ZNF106: variants seen among roughly 807,000 people sequenced by gnomAD.
The protein encoded by ZNF106 is SH3-domain binding protein 3.
In ZNF106, 67 loss-of-function variants were observed where a neutral mutation model predicts 195.1. The observed-to-expected ratio is 0.34, with a 90% CI of 0.28 to 0.42. ZNF106 has a LOEUF of 0.42. ZNF106 is among the 10% of genes least tolerant of loss of function. The pLI is 1.00. For missense variants in ZNF106, 2,118 were observed against 2,304.5 expected (o/e 0.92, Z 1.66); for synonymous variants, 784 against 818.6 (o/e 0.96, Z 0.72).
At chr15:42,439,940 A>C in intron 10 of ZNF106, 127 bp from the exon 11 acceptor site, 14 of 985,814 alleles carry the variant, frequency 1.4e-5, no homozygotes, top group Non-Finnish European at 2.0e-5. Flanking sequence ...CTGGTATCTC[A>C]CCCCTCAGTT....
intron 1 of ZNF106, among the ~76,000 whole-genome samples, chr15:42,474,857 C>A (rs2056752740): frequency 6.6e-6 from 1 of 152,134 alleles, no homozygotes; most frequent in African/African-American, 2.4e-5. Flanking sequence ...CAAGTCCCTG[C>A]TAGAGATGCT....
rs188061418 is a variant in ZNF106 at position 42,458,185 on chromosome 15, C to G, written c.117-1027G>C. ...TTAGACTAGTTATATTTTTGCACTT[C>G]CTATGCCAATCTATTAAAAAAAAAA... On this transcript the variant is annotated intron_variant, in intron 3 of 21. Coordinates refer to ENST00000564754, the MANE Select transcript of ZNF106 (RefSeq NM_001366845.3). 7.2e-5 allele frequency among the ~76,000 whole-genome samples: 11 copies of G among 152,048 alleles called. No individual in the cohort carries two copies. The East Asian group carries it at 2.1e-3, about 29-fold the overall frequency.
chr15:42,455,854 A>C (rs2141374414), intron 4 of ZNF106, among the ~76,000 whole-genome samples: 1 of 152,274 alleles, frequency 6.6e-6, no homozygotes, highest in South Asian at 2.1e-4. Flanking sequence ...AAATTATCCC[A>C]CCTCATAAGT....
intron 4 of ZNF106, among the ~76,000 whole-genome samples, chr15:42,454,735 A>AT (rs1409124153): frequency 6.8e-6 from 1 of 148,052 alleles, no homozygotes; most frequent in African/African-American, 2.5e-5. Context: ...AATAAAAATA[A>AT]AAAAAAAAAA....
chr15:42,467,419 C>T (rs1270226626), intron 2 of ZNF106, among the ~76,000 whole-genome samples: 2 of 152,174 alleles, frequency 1.3e-5, no homozygotes, highest in African/African-American at 4.8e-5. Context: ...GAGAAGTTAC[C>T]TCATTCATTC....
chr15:42,459,874 A>C (rs2141386473), intron 3 of ZNF106, among the ~76,000 whole-genome samples: 1 of 151,740 alleles, frequency 6.6e-6, no homozygotes, highest in Non-Finnish European at 1.5e-5. Flanking sequence ...CCCCATCTCT[A>C]CTAAAAAAAA....
In ZNF106 at chr15:42,438,790, T is replaced by G. The variant is rs910502940; in HGVS notation, c.4545-123A>C. On this transcript the variant is annotated intron_variant, in intron 11 of 21. Coordinates refer to ENST00000564754, the MANE Select transcript of ZNF106 (RefSeq NM_001366845.3). ...GCAAAGTAGCAATGATATAAGAGAT[T>G]AGATTTTCCATCTGAAATTTCTTAA... The G allele has an allele frequency of 1.3e-5, 12 of 944,108 alleles. No individual in the cohort carries two copies. In the African/African-American group the frequency reaches 1.8e-4, roughly 15 times the overall value. The allele number at this position is 944,108 out of a possible 1,614,324, so 58.5% of individuals were successfully genotyped here. A position where few individuals can be genotyped will look rare whatever the true frequency, so the allele number is the denominator to read the frequency against.
In ZNF106 at chr15:42,413,472, A is replaced by T. The variant is rs2054338723; in HGVS notation, c.*3832T>A. 1 of 152,646 alleles carries T rather than the reference A, an allele frequency of 6.6e-6. No individual in the cohort carries two copies. Among genetic ancestry groups the T allele is most frequent in the Non-Finnish European group, 1.5e-5 (1 of 68,040 alleles). The allele number at this position is 152,646 out of a possible 1,614,324, so 9.5% of individuals were successfully genotyped here. A position where few individuals can be genotyped will look rare whatever the true frequency, so the allele number is the denominator to read the frequency against. ...AAGCATAAACTGCAGTTATTTGAGC[A>T]AACCAGAGCATATGTGCTGTTCAAA... On this transcript the variant is annotated 3_prime_UTR_variant, in exon 22 of 22. Coordinates refer to ENST00000564754, the MANE Select transcript of ZNF106 (RefSeq NM_001366845.3).
rs149535165 is a variant in ZNF106 at position 42,436,784 on chromosome 15, C to A, written c.4746+448G>T. On this transcript the variant is annotated intron_variant, in intron 13 of 21. Transcript: ENST00000564754. ...CTCCTCCAGTACTTCCCCATATTCACTTCATCCCTCCTCTATTATGTAGCT... is the reference window on the plus strand; with the variant it reads ...CTCCTCCAGTACTTCCCCATATTCAATTCATCCCTCCTCTATTATGTAGCT... 1.2e-4 allele frequency among the ~76,000 whole-genome samples: 19 copies of A among 152,342 alleles called. No homozygotes were observed. The East Asian group carries it at 3.7e-3, about 29-fold the overall frequency.
At chr15:42,477,310 A>C (rs1369560597) in intron 1 of ZNF106, among the ~76,000 whole-genome samples, 1 of 152,194 alleles carries the variant, frequency 6.6e-6, no homozygotes, top group African/African-American at 2.4e-5. Flanking sequence ...TAAACCCATA[A>C]ACTTCTCTGT....
intron 1 of ZNF106, among the ~76,000 whole-genome samples, chr15:42,483,534 A>G (rs1022505169): frequency 2.6e-5 from 4 of 152,124 alleles, no homozygotes; most frequent in Non-Finnish European, 5.9e-5. Context: ...ATACACATAC[A>G]TGGTTTGCTC....
intron 14 of ZNF106, among the ~76,000 whole-genome samples, chr15:42,432,398 A>G (rs2055082462): frequency 6.6e-6 from 1 of 152,024 alleles, no homozygotes. Context: ...GTCTCAAGTG[A>G]TCCTCCCACC....
rs746861547 is a variant in ZNF106 at position 42,438,641 on chromosome 15, G to A, written c.4571C>T (p.Ser1524Phe). The change falls in exon 12 of 22, where the codon TCC becomes TTC. Residue 1524 changes from serine to phenylalanine, a missense_variant. Transcript: ENST00000564754. ...AGAATTCTTTGATCCTTTTATGGAGGAGATCACAGTCTGAGTTTCTGCCAC... is the reference window on the plus strand; with the variant it reads ...AGAATTCTTTGATCCTTTTATGGAGAAGATCACAGTCTGAGTTTCTGCCAC... The part of the protein sequence containing the change: ...VSVAETQTVI[S>F]SIKGSKNSSE... 1.2e-5 allele frequency: 19 copies of A among 1,613,808 alleles called. 1 individual carries two copies. In the South Asian group the frequency reaches 2.1e-4, roughly 18 times the overall value.
At chr15:42,449,566 T>C (rs2055904756) in intron 5 of ZNF106, among the ~76,000 whole-genome samples, 1 of 152,238 alleles carries the variant, frequency 6.6e-6, no homozygotes, top group Non-Finnish European at 1.5e-5. Flanking sequence ...TGCTTCCATT[T>C]TAACCTGCAC....
intron 4 of ZNF106, among the ~76,000 whole-genome samples, chr15:42,455,531 G>A (rs569994242): frequency 6.6e-6 from 1 of 152,192 alleles, no homozygotes; most frequent in South Asian, 2.1e-4. Context: ...CTCCTTCAAG[G>A]AATTGTTCAA....
intron 11 of ZNF106, 96 bp from the exon 12 acceptor site, chr15:42,438,763 G>T: frequency 8.9e-7 from 1 of 1,123,486 alleles, no homozygotes; most frequent in Non-Finnish European, 1.3e-6. Context: ...TCTAAACAAT[G>T]GGCAAAGTAG....
Position 42,428,050 on chromosome 15 carries a change from C to G in ZNF106, c.4966G>C (p.Ala1656Pro), listed in dbSNP as rs2054917872. Residue 1656 changes from alanine (A) to proline (P), a missense_variant, in exon 15 of 22, where the codon GCA becomes CCA. Transcript: ENST00000564754. ...SRWRILYAGL[A>P]NGTVVTFNIK... is the part of the protein sequence containing the mutation. The stretch of plus-strand genomic sequence containing the variant: ...TTGAAGGTGACCACAGTGCCATTTG[C>G]CAGTCCCGCATAGAGGATTCGCCAT... 6.2e-7 allele frequency: 1 copy of G among 1,614,060 alleles called. No individual in the cohort carries two copies. Among genetic ancestry groups the G allele is most frequent in the Non-Finnish European group, 8.5e-7 (1 of 1,179,942 alleles).
At chr15:42,463,227 A>G (rs1008042883) in intron 3 of ZNF106, among the ~76,000 whole-genome samples, 1 of 152,300 alleles carries the variant, frequency 6.6e-6, no homozygotes, top group South Asian at 2.1e-4. Context: ...GTTTAATGAT[A>G]TAGTGCATAT....
At chr15:42,473,104 C>T (rs1213603594) in intron 1 of ZNF106, among the ~76,000 whole-genome samples, 5 of 151,878 alleles carry the variant, frequency 3.3e-5, no homozygotes, top group South Asian at 2.1e-4. Flanking sequence ...GATCCAAAAC[C>T]GGAAACTTTT....
Sources: allele counts gnomAD v4.1 joint callset (sites outside exome capture counted in the v4.1 genomes callset), GRCh38; gene constraint gnomAD v4.1.1; transcripts MANE v1.5; gene names NCBI Gene and HGNC (gene_info 2026-07-23, HGNC 2026-07-21).